The following VAV2 variants were observed in gnomAD, a reference collection of about 807,000 sequenced individuals.
VAV2 encodes vav guanine nucleotide exchange factor 2.
VAV2 carries 67 observed loss-of-function variants against 132.5 expected under a neutral mutation model. That is an observed-to-expected ratio of 0.51 (90% CI 0.42 to 0.62). The LOEUF is 0.62. VAV2 is among the 20% of genes least tolerant of loss of function. The pLI, the probability that VAV2 is intolerant of heterozygous loss-of-function variation, is 0.00. For missense variants in VAV2, 938 were observed against 1,153.6 expected, an observed-to-expected ratio of 0.81 and a Z score of 2.71; for synonymous variants, 492 against 443.5, an observed-to-expected ratio of 1.11 and a Z score of -1.37.
At chr9:133,967,034 C>CAA (rs71380266) in intron 1 of VAV2, among the ~76,000 whole-genome samples, 26,691 of 105,684 alleles carry the variant, frequency 0.25, 3,540 homozygotes, top group South Asian at 0.34. Flanking sequence ...GACTTTGTCT[C>CAA]AAAAAAAAAA....
rs931483958 is a variant in VAV2, at chr9:133,885,794, AC to A, written c.322-24363del. 1.3e-5 allele frequency among the ~76,000 whole-genome samples: 2 copies of A among 152,048 alleles called. No homozygotes were observed. The highest frequency in any genetic ancestry group is 2.9e-5 in the Non-Finnish European group (2 of 67,996). On this transcript the variant is annotated intron_variant, in intron 2 of 29. Transcript: ENST00000371850. The surrounding 1 kb of genome is among the most constrained non-coding windows in gnomAD (Gnocchi z 5.0). The stretch of plus-strand genomic sequence containing the variant: ...CAAACCCACCACGGTGCCGGCACAA[AC>A]CCTTCACAAAGCACTCACCCACTTA...
chr9:133,851,590 G>C (rs917840405), intron 3 of VAV2, among the ~76,000 whole-genome samples: 1 of 152,210 alleles, frequency 6.6e-6, no homozygotes, highest in Non-Finnish European at 1.5e-5. Context: ...CAGCCTTAAT[G>C]ATTCTAGAGT....
chr9:133,892,851 G>C (rs563689103), intron 2 of VAV2, among the ~76,000 whole-genome samples: 1 of 152,210 alleles, frequency 6.6e-6, no homozygotes, highest in South Asian at 2.1e-4. Context: ...GCAATAAAAA[G>C]CATTCCAGGT....
intron 1 of VAV2, among the ~76,000 whole-genome samples, chr9:133,979,244 G>A (rs1842614521): frequency 1.3e-5 from 2 of 152,216 alleles, no homozygotes; most frequent in Admixed American, 6.5e-5. Flanking sequence ...CCAACCCTTG[G>A]GAGGGGCTCC....
intron 1 of VAV2, among the ~76,000 whole-genome samples, chr9:133,974,813 G>A (rs576803797): frequency 6.6e-6 from 1 of 152,322 alleles, no homozygotes; most frequent in South Asian, 2.1e-4. Context: ...CAGCACACAA[G>A]GCTTCTGCTT....
chr9:133,788,315 C>G lies in VAV2; in HGVS notation c.1407+39G>C. On this transcript the variant is annotated intron_variant, in intron 15 of 29. Coordinates refer to ENST00000371850, the MANE Select transcript of VAV2 (RefSeq NM_001134398.2). This position sits in a 1 kb window ranked among gnomAD's most constrained non-coding sequence, Gnocchi z 5.3. ...CCAGTGCCTCTCTCCAGGCCACCCC[C>G]ACGTTCCTGGGTAGCAGGGGGGACC... 3.8e-6 allele frequency: 6 copies of G among 1,585,790 alleles called. No homozygotes were observed. Among genetic ancestry groups the G allele is most frequent in the East Asian group, 2.3e-5 (1 of 43,926 alleles).
chr9:133,856,756 C>T (rs1011789176), intron 3 of VAV2, among the ~76,000 whole-genome samples: 1 of 152,162 alleles, frequency 6.6e-6, no homozygotes, highest in African/African-American at 2.4e-5. Flanking sequence ...TTCCAGCTTC[C>T]GAAGCTGCCT....
At chr9:133,929,338 A>T (rs1840594005) in intron 2 of VAV2, among the ~76,000 whole-genome samples, 1 of 152,122 alleles carries the variant, frequency 6.6e-6, no homozygotes, top group Admixed American at 6.5e-5. Flanking sequence ...ACCGGGGAGC[A>T]GATGGGAAGT....
rs2486339 is a variant in VAV2, at chr9:133,824,942, G to A, written c.449+9330C>T. On this transcript the variant is annotated intron_variant, in intron 4 of 29. Coordinates refer to ENST00000371850, the MANE Select transcript of VAV2 (RefSeq NM_001134398.2). The surrounding 1 kb of genome is among the most constrained non-coding windows in gnomAD (Gnocchi z 5.2). ...AAGCGTCTTGACAGAGGGACCCTCC[G>A]GGGACGCTGGCTTCATTCACTCCAT... 0.17 allele frequency among the ~76,000 whole-genome samples: 25,677 copies of A among 152,114 alleles called. 2,473 individuals are homozygous for A. Among genetic ancestry groups the A allele is most frequent in the African/African-American group, 0.25 (10,556 of 41,470 alleles).
intron 13 of VAV2, among the ~76,000 whole-genome samples, chr9:133,789,903 C>G (rs1176897390): frequency 6.6e-6 from 1 of 152,242 alleles, no homozygotes; most frequent in Non-Finnish European, 1.5e-5. Context: ...TCAAAGTGTC[C>G]ACACAGACAG....
At chr9:133,899,284 C>T (rs1839346574) in intron 2 of VAV2, among the ~76,000 whole-genome samples, 1 of 151,754 alleles carries the variant, frequency 6.6e-6, no homozygotes, top group Non-Finnish European at 1.5e-5. Flanking sequence ...AGGCCGGGTG[C>T]AGTGGTTCAT....
At chr9:133,842,792 G>A (rs927870309) in intron 3 of VAV2, among the ~76,000 whole-genome samples, 2 of 152,206 alleles carry the variant, frequency 1.3e-5, no homozygotes, top group African/African-American at 4.8e-5. Context: ...AGGGGTGGAG[G>A]GGCCATGGGA....
chr9:133,904,617 C>T lies in VAV2; in HGVS notation c.321+34486G>A, dbSNP rs187612283. ...TGCAGGCATGCAGCACACCCTCTCC[C>T]AGTGGAGTCGGACGACATGCCCGCT... On this transcript the variant is annotated intron_variant, in intron 2 of 29. Transcript: ENST00000371850. Among the ~76,000 whole-genome samples the T allele has an allele frequency of 2.1e-3, 326 of 152,394 alleles. 1 individual carries two copies. Among genetic ancestry groups the T allele is most frequent in the African/African-American group, 7.6e-3 (316 of 41,604 alleles).
intron 2 of VAV2, among the ~76,000 whole-genome samples, chr9:133,915,861 T>C (rs1158083578): frequency 7.0e-6 from 1 of 143,734 alleles, no homozygotes; most frequent in African/African-American, 2.7e-5. Flanking sequence ...ACACACGATG[T>C]ACATGTACAC....
intron 1 of VAV2, among the ~76,000 whole-genome samples, chr9:133,959,342 C>T (rs1276445253): frequency 1.3e-5 from 2 of 152,188 alleles, no homozygotes; most frequent in African/African-American, 4.8e-5. Flanking sequence ...CTCAGGCCTC[C>T]GCTCCGGGCT....
Position 133,809,109 on chromosome 9 carries a change from C to T in VAV2, c.597G>A (p.Arg199=). The T allele has an allele frequency of 1.2e-6, 2 of 1,613,966 alleles. No homozygotes were observed. Among genetic ancestry groups the T allele is most frequent in the Non-Finnish European group, 1.7e-6 (2 of 1,179,922 alleles). The change falls in exon 7 of 30, where the codon AGG becomes AGA. Residue 199 remains arginine (R), a synonymous_variant. Coordinates refer to ENST00000371850, the MANE Select transcript of VAV2 (RefSeq NM_001134398.2). ...CCTGGATCTCCAGCAGGCAGCAGTTCCTCTTGTCATCTTCAGTCATGCCCA... is the reference window on the plus strand; with the variant it reads ...CCTGGATCTCCAGCAGGCAGCAGTTTCTCTTGTCATCTTCAGTCATGCCCA... The part of the protein sequence containing the change: ...QKMGMTEDDK[R]NCCLLEIQET...
At chr9:133,945,557 C>G (rs1054657113) in intron 1 of VAV2, among the ~76,000 whole-genome samples, 1 of 152,180 alleles carries the variant, frequency 6.6e-6, no homozygotes, top group Non-Finnish European at 1.5e-5. Flanking sequence ...CAGGATGCCC[C>G]CAGCCTCTGG....
chr9:133,865,700 T>A (rs894225743), intron 2 of VAV2, among the ~76,000 whole-genome samples: 1 of 152,246 alleles, frequency 6.6e-6, no homozygotes, highest in Non-Finnish European at 1.5e-5. Context: ...CCCTCCCACA[T>A]GCTGATTTGT....
chr9:133,933,313 CAA>C (rs888417374), intron 2 of VAV2, among the ~76,000 whole-genome samples: 2 of 152,268 alleles, frequency 1.3e-5, no homozygotes, highest in African/African-American at 4.8e-5. Flanking sequence ...CCTGTGAGGG[CAA>C]AGACTACGTG....
Sources: gnomAD v4.1 joint callset for allele counts (sites outside exome capture counted in the v4.1 genomes callset) on GRCh38, gnomAD v4.1.1 for gene constraint, Gnocchi (gnomAD v3.1) non-coding constraint, MANE v1.5 for transcripts, NCBI Gene and HGNC (gene_info 2026-07-23, HGNC 2026-07-21) for gene names.